Variants in PDE7A observed in about 807,000 individuals in gnomAD.
PDE7A encodes the protein phosphodiesterase 7A.
In PDE7A, 39 loss-of-function variants were observed where a neutral mutation model predicts 64.3. The observed-to-expected ratio is 0.61, with a 90% CI of 0.47 to 0.79. The LOEUF (loss-of-function observed/expected upper bound fraction) is 0.79. Among genes scored for constraint, PDE7A ranks in the 30% least tolerant of loss-of-function variants. The probability of loss-of-function intolerance (pLI) is 0.00; values close to 1 mark genes in which losing one functional copy is unlikely to be tolerated. For missense variants in PDE7A, 470 were observed against 582.8 expected (o/e 0.81, Z 1.99); for synonymous variants, 203 against 206.8 (o/e 0.98, Z 0.16).
rs972817567 is a variant in PDE7A at position 65,724,716 on chromosome 8, T to G, written c.1065+61A>C. ...GAAAAACTACACTAGAATATTCATT[T>G]TTTAGTTTGACAGTCACATAATTTA... On this transcript the variant is annotated intron_variant, in intron 10 of 12. Transcript: ENST00000401827. The G allele has an allele frequency of 5.7e-6, 8 of 1,403,146 alleles. No individual in the cohort carries two copies. In the Middle Eastern group the frequency reaches 9.1e-4, roughly 160 times the overall value. The allele number at this position is 1,403,146 out of a possible 1,614,324, so 86.9% of individuals were successfully genotyped here.
At chr8:65,790,743 T>C (rs1809677687) in intron 1 of PDE7A, among the ~76,000 whole-genome samples, 1 of 152,190 alleles carries the variant, frequency 6.6e-6, no homozygotes, top group African/African-American at 2.4e-5. Context: ...TTTGCATAAA[T>C]CCAGATAACA....
At chr8:65,768,195 A>G (rs1197496041) in intron 3 of PDE7A, among the ~76,000 whole-genome samples, 7 of 152,220 alleles carry the variant, frequency 4.6e-5, no homozygotes, top group African/African-American at 1.7e-4. Context: ...TTTTTCCTAC[A>G]CAGTGAGCAT....
chr8:65,731,335 T>C (rs1806877817), intron 7 of PDE7A, among the ~76,000 whole-genome samples: 1 of 152,192 alleles, frequency 6.6e-6, no homozygotes, highest in Admixed American at 6.5e-5. Flanking sequence ...AGGGCCAGGC[T>C]CTTTTGTCAA....
chr8:65,830,238 TC>T, intron 1 of PDE7A, among the ~76,000 whole-genome samples: 1 of 139,246 alleles, frequency 7.2e-6, no homozygotes, highest in Non-Finnish European at 1.5e-5. Context: ...CCTTTTTCTT[TC>T]TTTTTTTTTT....
At chr8:65,819,540 A>T (rs559827016) in intron 1 of PDE7A, among the ~76,000 whole-genome samples, 1 of 152,382 alleles carries the variant, frequency 6.6e-6, no homozygotes, top group East Asian at 1.9e-4. Flanking sequence ...TGTCCTTACA[A>T]AGTTATTGTT....
At chr8:65,785,034 T>C (rs1809512011) in intron 1 of PDE7A, among the ~76,000 whole-genome samples, 1 of 152,090 alleles carries the variant, frequency 6.6e-6, no homozygotes, top group African/African-American at 2.4e-5. Context: ...CTGAAAGCCC[T>C]CACTTGGATT....
chr8:65,830,905 T>A lies in PDE7A; in HGVS notation c.138+10466A>T, dbSNP rs58976092. On this transcript the variant is annotated intron_variant, in intron 1 of 12. Transcript: ENST00000401827. ...AGCATAAAAGAATACATTAGGATAA[T>A]ATGTAGAGAAAGTAAAACAAAAATA... Among the ~76,000 whole-genome samples, 732 of 151,818 alleles carry A rather than the reference T, an allele frequency of 4.8e-3. 5 individuals are homozygous for A. Among genetic ancestry groups the A allele is most frequent in the African/African-American group, 0.017 (709 of 41,440 alleles).
chr8:65,771,106 T>C lies in PDE7A; in HGVS notation c.283+8614A>G, dbSNP rs190627853. 8 of 313,226 alleles carry C rather than the reference T, an allele frequency of 2.6e-5. No individual in the cohort carries two copies. In the Middle Eastern group the frequency reaches 1.6e-3, roughly 61 times the overall value. 19.4% of individuals were successfully genotyped at this position (313,226 alleles called of 1,614,324 possible). A position where few individuals can be genotyped will look rare whatever the true frequency, so the allele number is the denominator to read the frequency against. ...ATATTGTGGCATCTACATAATAAAA[T>C]GGTTGAGGTCCTTCTTTTGTTAATT... On this transcript the variant is annotated intron_variant, in intron 3 of 12. Transcript: ENST00000401827.
In PDE7A at chr8:65,740,795, ATC is replaced by A. The variant is rs983092519; in HGVS notation, c.500-1200_500-1199del. On this transcript the variant is annotated intron_variant, in intron 5 of 12. Coordinates refer to ENST00000401827, the MANE Select transcript of PDE7A (RefSeq NM_001242318.3). ...CAACTATCCCCACCCCACCCCACCA[ATC>A]TCTCTCTCTTTTCTATATTGTCTCA... Among the ~76,000 whole-genome samples the A allele has an allele frequency of 1.5e-3, 230 of 151,734 alleles. 1 individual carries two copies. Among genetic ancestry groups the A allele is most frequent in the African/African-American group, 5.3e-3 (220 of 41,360 alleles).
intron 1 of PDE7A, among the ~76,000 whole-genome samples, chr8:65,806,482 C>G (rs1160498460): frequency 6.6e-6 from 1 of 152,178 alleles, no homozygotes; most frequent in Non-Finnish European, 1.5e-5. Context: ...CTGAATCATA[C>G]ACTTAAAAGC....
At chr8:65,815,717 GAAT>G (rs758924804) in intron 1 of PDE7A, among the ~76,000 whole-genome samples, 39 of 148,146 alleles carry the variant, frequency 2.6e-4, no homozygotes, top group Non-Finnish European at 4.0e-4. Flanking sequence ...TCCATTGATA[GAAT>G]AATGGATTTT....
intron 1 of PDE7A, among the ~76,000 whole-genome samples, chr8:65,808,136 G>A (rs1380879042): frequency 6.6e-6 from 1 of 152,182 alleles, no homozygotes; most frequent in Non-Finnish European, 1.5e-5. Context: ...CTCTATTGAA[G>A]TATAGAGAAG....
intron 3 of PDE7A, among the ~76,000 whole-genome samples, chr8:65,777,161 C>T (rs922361486): frequency 2.0e-5 from 3 of 149,458 alleles, no homozygotes; most frequent in Non-Finnish European, 4.4e-5. Flanking sequence ...CTAACCGCAA[C>T]CTCTGCCTCC....
At chr8:65,744,866 G>A (rs1186687462) in intron 5 of PDE7A, among the ~76,000 whole-genome samples, 1 of 152,188 alleles carries the variant, frequency 6.6e-6, no homozygotes, top group Admixed American at 6.5e-5. Context: ...ATAAAATTAT[G>A]AGATTGATTC....
chr8:65,773,466 A>G (rs1809169263), intron 3 of PDE7A, among the ~76,000 whole-genome samples: 1 of 152,184 alleles, frequency 6.6e-6, no homozygotes, highest in African/African-American at 2.4e-5. Context: ...AGCTGCCTCC[A>G]GTGTTCTAAA....
chr8:65,724,223 T>C (rs772141413), intron 11 of PDE7A, 32 bp downstream of exon 11: 3 of 1,341,002 alleles, frequency 2.2e-6, no homozygotes, highest in Non-Finnish European at 3.2e-6. Context: ...ATGAACTGGA[T>C]AGATTAATTA....
At chr8:65,761,638 T>C (rs1027019412) in intron 3 of PDE7A, among the ~76,000 whole-genome samples, 6 of 152,238 alleles carry the variant, frequency 3.9e-5, no homozygotes, top group African/African-American at 1.2e-4. Flanking sequence ...TACTTCACTA[T>C]GTGACCAAGA....
intron 1 of PDE7A, among the ~76,000 whole-genome samples, chr8:65,806,607 GT>G (rs1231915065): frequency 2.0e-5 from 3 of 152,230 alleles, no homozygotes; most frequent in African/African-American, 4.8e-5. Context: ...AGATAAATGT[GT>G]TTATATGAAT....
At chr8:65,816,836 G>C (rs1370272095) in intron 1 of PDE7A, among the ~76,000 whole-genome samples, 1 of 152,124 alleles carries the variant, frequency 6.6e-6, no homozygotes, top group Non-Finnish European at 1.5e-5. Flanking sequence ...ATTAATCCTA[G>C]TCACATTCAC....
Sources: allele counts gnomAD v4.1 joint callset (sites outside exome capture counted in the v4.1 genomes callset), GRCh38; gene constraint gnomAD v4.1.1; transcripts MANE v1.5; gene names NCBI Gene and HGNC (gene_info 2026-07-23, HGNC 2026-07-21).